MAP2K3: variants seen among roughly 807,000 people sequenced by gnomAD.
The protein encoded by MAP2K3 is mitogen-activated protein kinase kinase 3.
A neutral mutation model predicts 46.4 loss-of-function variants in MAP2K3; 30 were observed. The observed-to-expected ratio is 0.65, with a 90% CI of 0.48 to 0.88. The LOEUF (loss-of-function observed/expected upper bound fraction) is 0.88, where lower values mean the gene tolerates loss of function less well. Ranked by LOEUF, MAP2K3 falls within the 40% of genes least tolerant of loss-of-function variation. The pLI is 0.00. For missense variants in MAP2K3, 380 were observed against 464.5 expected, an observed-to-expected ratio of 0.82 and a Z score of 1.67; for synonymous variants, 189 against 176.3, an observed-to-expected ratio of 1.07 and a Z score of -0.57.
At chr17:21,308,588 CAT>C (rs1206180352) in intron 9 of MAP2K3, among the ~76,000 whole-genome samples, 2 of 152,250 alleles carry the variant, frequency 1.3e-5, no homozygotes, top group African/African-American at 2.4e-5. Flanking sequence ...TAATTGGTGA[CAT>C]GTAATTTTTC....
intron 1 of MAP2K3, among the ~76,000 whole-genome samples, chr17:21,294,478 T>C (rs1284346734): frequency 6.6e-6 from 1 of 152,308 alleles, no homozygotes; most frequent in East Asian, 1.9e-4. Context: ...CACAGCTTGG[T>C]CTCCCCAGGC....
intron 10 of MAP2K3, 84 bp downstream of exon 10, chr17:21,312,365 C>T (rs1597506968): frequency 1.4e-6 from 2 of 1,395,770 alleles, no homozygotes; most frequent in Admixed American, 3.3e-5. Context: ...TTCCTTTATT[C>T]CTTTGGCAAA....
intron 9 of MAP2K3, among the ~76,000 whole-genome samples, chr17:21,310,556 G>A (rs1328752894): frequency 6.6e-6 from 1 of 152,252 alleles, no homozygotes; most frequent in African/African-American, 2.4e-5. Flanking sequence ...CTCTCTTGGC[G>A]TTGGCTTTTT....
At chr17:21,312,309 G>A in intron 10 of MAP2K3, 28 bp downstream of exon 10, 1 of 1,562,920 alleles carries the variant, frequency 6.4e-7, no homozygotes, top group Non-Finnish European at 8.6e-7. Context: ...CTGAGCGCCT[G>A]CCACTGCCCC....
chr17:21,303,186 G>T lies in MAP2K3; in HGVS notation c.520G>T (p.Val174Leu), dbSNP rs201593726. The T allele has an allele frequency of 6.2e-7, 1 of 1,614,196 alleles. No individual in the cohort carries two copies. The highest frequency in any genetic ancestry group is 8.5e-7 in the Non-Finnish European group (1 of 1,180,056). The change falls in exon 7 of 12, where the codon GTG becomes TTG. Residue 174 changes from valine (V) to leucine (L), a missense_variant. Val to Leu is a conservative substitution (Grantham distance 32). Transcript: ENST00000342679. ...DILGEIAVSI[V>L]RALEHLHSKL... ...CTCCTCCCCACCCCACCGCCAGATC[G>T]TGCGGGCCCTGGAGCATCTGCACAG...
chr17:21,304,667 T>G (rs1976794887), intron 8 of MAP2K3, 114 bp downstream of exon 8: 2 of 1,516,668 alleles, frequency 1.3e-6, no homozygotes, highest in Non-Finnish European at 1.8e-6. Context: ...CTCCCCACAC[T>G]GCGTTTCCTG....
intron 1 of MAP2K3, 111 bp downstream of exon 1, chr17:21,285,080 G>T: frequency 7.0e-7 from 1 of 1,434,798 alleles, no homozygotes; most frequent in South Asian, 1.3e-5. Flanking sequence ...ACCTGGCAGC[G>T]GCGTCCGGTC....
chr17:21,297,799 G>T (rs77042490), intron 1 of MAP2K3, among the ~76,000 whole-genome samples: 10 of 198 alleles, frequency 0.051, no homozygotes, highest in Non-Finnish European at 0.12. Flanking sequence ...CTGGTGCAGG[G>T]GAGGGGAGAG....
intron 7 of MAP2K3, 28 bp downstream of exon 7, chr17:21,303,262 G>A (rs747622861): frequency 3.0e-5 from 48 of 1,613,332 alleles, no homozygotes; most frequent in Middle Eastern, 1.6e-4. Context: ...ACCCAGGCAC[G>A]GTGTAGCCAG....
At chr17:21,299,754 G>A (rs569200224) in intron 3 of MAP2K3, among the ~76,000 whole-genome samples, 17 of 152,356 alleles carry the variant, frequency 1.1e-4, no homozygotes, top group African/African-American at 3.6e-4. Context: ...AGGCTGAGGC[G>A]GGTAGATCAC....
intron 1 of MAP2K3, among the ~76,000 whole-genome samples, chr17:21,298,167 G>A (rs922893777): frequency 1.3e-5 from 2 of 152,310 alleles, no homozygotes; most frequent in Admixed American, 6.5e-5. Flanking sequence ...CAGTGGGCAG[G>A]GCTGAGATAA....
At chr17:21,294,102 A>T (rs1413461463) in intron 1 of MAP2K3, among the ~76,000 whole-genome samples, 1 of 152,310 alleles carries the variant, frequency 6.6e-6, no homozygotes, top group Admixed American at 6.5e-5. Context: ...GCCTGTGCCC[A>T]CTTCTCGGGG....
Position 21,284,733 on chromosome 17 carries a change from T to C in MAP2K3, c.-188T>C. ...CCCAGTCTGTCTCCGGCGCCGCCCG[T>C]CGCGGACTCGTCCTTGCTGCAGTCG... On this transcript the variant is annotated 5_prime_UTR_variant, in exon 1 of 12. Transcript: ENST00000342679. The C allele has an allele frequency of 1.9e-6, 1 of 536,580 alleles. No individual in the cohort carries two copies. The highest frequency in any genetic ancestry group is 3.6e-5 in the East Asian group (1 of 27,458). 33.2% of individuals were successfully genotyped at this position (536,580 alleles called of 1,614,324 possible).
chr17:21,308,494 A>G (rs1977009703), intron 9 of MAP2K3, among the ~76,000 whole-genome samples: 5 of 152,292 alleles, frequency 3.3e-5, no homozygotes, highest in African/African-American at 4.8e-5. Flanking sequence ...TAAATAGTGT[A>G]TCTGTAGACA....
At chr17:21,288,010 C>T in intron 1 of MAP2K3, 1 of 1,289,006 alleles carries the variant, frequency 7.8e-7, no homozygotes, top group Non-Finnish European at 1.0e-6. Context: ...TGTCAGCCAA[C>T]CCATGGCCCA....
chr17:21,285,406 C>G (rs761998531), intron 1 of MAP2K3: 15 of 477,644 alleles, frequency 3.1e-5, no homozygotes, highest in Non-Finnish European at 4.1e-5. Context: ...AGGGCTGTAT[C>G]CAGGTTGGGA....
intron 5 of MAP2K3, 84 bp from the exon 6 acceptor site, chr17:21,302,052 TGGGGCTG>T: frequency 1.6e-3 from 4 of 2,470 alleles, no homozygotes; most frequent in Non-Finnish European, 2.0e-3. Context: ...GAGAGGGGGC[TGGGGCTG>T]GGGCTGGTGC....
At chr17:21,299,693 A>C (rs1976480936) in intron 3 of MAP2K3, among the ~76,000 whole-genome samples, 1 of 87,036 alleles carries the variant, frequency 1.1e-5, no homozygotes. Flanking sequence ...AAAAAAAAAA[A>C]AAAAAAGAGC....
In MAP2K3 at chr17:21,291,375, A is replaced by ACACAACACAACACAACACAT. The variant is rs1322692943; in HGVS notation, c.49+6409_49+6410insAACACAACACAACACATCAC. On this transcript the variant is annotated intron_variant, in intron 1 of 11. Transcript: ENST00000342679. ...ACACAACACAACACAACACAACACA[A>ACACAACACAACACAACACAT]CACGTAGTGATAACAGTGAAGCACA... 18 of 441,854 alleles carry ACACAACACAACACAACACAT rather than the reference A, an allele frequency of 4.1e-5. No homozygotes were observed. In the Admixed American group the frequency reaches 4.3e-4, roughly 11 times the overall value. 27.4% of individuals were successfully genotyped at this position (441,854 alleles called of 1,614,324 possible).
Sources: gnomAD v4.1 joint callset for allele counts (sites outside exome capture counted in the v4.1 genomes callset) on GRCh38, gnomAD v4.1.1 for gene constraint, MANE v1.5 for transcripts, NCBI Gene and HGNC (gene_info 2026-07-23, HGNC 2026-07-21) for gene names.